Variants in ABI2 observed in about 807,000 individuals in gnomAD.
The protein encoded by ABI2 is abelson interactor 2.
Under a neutral mutation model 59.2 loss-of-function variants are expected in ABI2, and 25 were observed. The observed-to-expected ratio is 0.42, with a 90% CI of 0.31 to 0.59. The LOEUF is 0.59. Ranked by LOEUF, ABI2 falls within the 20% of genes least tolerant of loss-of-function variation. The pLI is 0.14. For synonymous variants in ABI2, 213 were observed against 235.5 expected (o/e 0.90, Z 0.87); for missense variants, 545 against 681.8 (o/e 0.80, Z 2.23).
At chr2:203,392,895 C>T (rs1019644133) in intron 5 of ABI2, among the ~76,000 whole-genome samples, 1 of 151,992 alleles carries the variant, frequency 6.6e-6, no homozygotes, top group Non-Finnish European at 1.5e-5. Context: ...GAGGCCCACT[C>T]TGCTAGTTGA....
Position 203,357,476 on chromosome 2 carries a change from G to A in ABI2, c.118-9401G>A, listed in dbSNP as rs185560050. ...GGTGACTTTATGTTCTGAATCTCAC[G>A]AAGATTAACCTCTGATCATTTGTTT... On this transcript the variant is annotated intron_variant, in intron 1 of 11. Coordinates refer to ENST00000261018, the MANE Select transcript of ABI2 (RefSeq NM_001375670.1). Among the ~76,000 whole-genome samples the A allele has an allele frequency of 1.8e-3, 272 of 152,268 alleles. 1 individual carries two copies. Among genetic ancestry groups the A allele is most frequent in the African/African-American group, 5.9e-3 (245 of 41,570 alleles).
intron 4 of ABI2, among the ~76,000 whole-genome samples, chr2:203,385,186 A>G (rs2096441066): frequency 8.2e-6 from 1 of 122,350 alleles, no homozygotes; most frequent in South Asian, 3.0e-4. Flanking sequence ...GCTGGAGTGC[A>G]GTGGTGCCAT....
At chr2:203,345,773 T>A (rs2152616233) in intron 1 of ABI2, among the ~76,000 whole-genome samples, 1 of 152,062 alleles carries the variant, frequency 6.6e-6, no homozygotes, top group African/African-American at 2.4e-5. Flanking sequence ...TTCAAACTCC[T>A]GACCTCAAGT....
rs1452569960 is a variant in ABI2 at position 203,328,536 on chromosome 2, C to T, written c.22C>T (p.Leu8=). The T allele has an allele frequency of 1.2e-6, 2 of 1,604,846 alleles. No individual in the cohort carries two copies. Among genetic ancestry groups the T allele is most frequent in the Admixed American group, 1.7e-5 (1 of 59,406 alleles). Residue 8 remains leucine (L), a synonymous_variant, in exon 1 of 12, where the codon CTG becomes TTG. Coordinates refer to ENST00000261018, the MANE Select transcript of ABI2 (RefSeq NM_001375670.1). ...GAAGATGGCGGAGCTGCAGATGCTG[C>T]TGGAAGAGGAAATCCCGGGGGGCCG... The part of the protein sequence containing the change: MAELQML[L]EEEIPGGRRA...
chr2:203,348,088 A>G (rs536913176), intron 1 of ABI2, among the ~76,000 whole-genome samples: 1 of 152,012 alleles, frequency 6.6e-6, no homozygotes, highest in Non-Finnish European at 1.5e-5. Flanking sequence ...TAAAAATACA[A>G]AAGTTAGCTG....
Position 203,402,624 on chromosome 2 carries a change from C to T in ABI2, c.1082C>T (p.Thr361Ile), listed in dbSNP as rs1341052155. The T allele has an allele frequency of 6.2e-7, 1 of 1,605,436 alleles. No homozygotes were observed. Among genetic ancestry groups the T allele is most frequent in the Non-Finnish European group, 8.5e-7 (1 of 1,177,202 alleles). The change falls in exon 9 of 12, where the codon ACT (threonine) becomes ATT (isoleucine). Residue 361 changes from threonine to isoleucine, a missense_variant. Around this residue, in one of 4 missense-constraint regions of ABI2, gnomAD observed 410 missense variants for 435.6 expected, o/e 0.94. Coordinates refer to ENST00000261018, the MANE Select transcript of ABI2 (RefSeq NM_001375670.1). ...YSMNRPASRH[T>I]PPTIGGSLPY... ...ATGAATAGGCCTGCCTCTCGCCATA[C>T]TCCCCCAACAATAGGGGGCTCGTTG...
At chr2:203,355,534 CA>C (rs371313997) in intron 1 of ABI2, among the ~76,000 whole-genome samples, 1 of 150,576 alleles carries the variant, frequency 6.6e-6, no homozygotes, top group African/African-American at 2.4e-5. Context: ...CAACAAAAAA[CA>C]AAAAACCCAA....
At chr2:203,402,436 A>T in intron 8 of ABI2, 140 bp from the exon 9 acceptor site, 1 of 578,122 alleles carries the variant, frequency 1.7e-6, no homozygotes. Context: ...ACAATAACTC[A>T]CCTTGCATTG....
chr2:203,350,619 A>G (rs1238955584), intron 1 of ABI2, among the ~76,000 whole-genome samples: 3 of 150,282 alleles, frequency 2.0e-5, no homozygotes, highest in Admixed American at 6.7e-5. Context: ...GGCTCACTGC[A>G]ATCTCTGCCT....
At chr2:203,346,125 G>A (rs914460821) in intron 1 of ABI2, among the ~76,000 whole-genome samples, 2 of 151,546 alleles carry the variant, frequency 1.3e-5, no homozygotes, top group Non-Finnish European at 2.9e-5. Context: ...CTCCAGTCTG[G>A]GTGACAAGAG....
intron 1 of ABI2, among the ~76,000 whole-genome samples, chr2:203,362,736 A>G (rs989093828): frequency 2.0e-5 from 3 of 152,132 alleles, no homozygotes; most frequent in African/African-American, 7.2e-5. Context: ...CATGTCGGGC[A>G]GGCCGGTCTT....
chr2:203,377,508 A>G (rs2095789852), intron 2 of ABI2, among the ~76,000 whole-genome samples: 2 of 152,186 alleles, frequency 1.3e-5, no homozygotes, highest in African/African-American at 4.8e-5. Flanking sequence ...TCTGACGAAG[A>G]CCCATTTTAT....
intron 8 of ABI2, 26 bp downstream of exon 8, chr2:203,396,993 G>T: frequency 7.2e-7 from 1 of 1,384,144 alleles, no homozygotes; most frequent in Non-Finnish European, 9.4e-7. Context: ...TTCATTGGCA[G>T]GCAGATGCAG....
intron 1 of ABI2, among the ~76,000 whole-genome samples, chr2:203,349,717 T>G (rs1195949957): frequency 1.3e-5 from 2 of 152,306 alleles, no homozygotes; most frequent in East Asian, 1.9e-4. Context: ...GTTCATTTTT[T>G]TTTTTTTTTA....
intron 4 of ABI2, among the ~76,000 whole-genome samples, chr2:203,388,045 A>G (rs1273935104): frequency 6.6e-6 from 1 of 152,156 alleles, no homozygotes; most frequent in African/African-American, 2.4e-5. Context: ...AACTTTAATT[A>G]TAATATAGAT....
At chr2:203,355,842 A>C (rs984350118) in intron 1 of ABI2, among the ~76,000 whole-genome samples, 29 of 149,896 alleles carry the variant, frequency 1.9e-4, no homozygotes, top group South Asian at 1.5e-3. Flanking sequence ...AAAAAAAAAA[A>C]AAAAAAAAAC....
chr2:203,397,385 C>A (rs1220132676), intron 8 of ABI2, among the ~76,000 whole-genome samples: 1 of 152,150 alleles, frequency 6.6e-6, no homozygotes, highest in African/African-American at 2.4e-5. Flanking sequence ...CTCTGTAAGT[C>A]TATTTTTAAC....
chr2:203,351,517 A>G (rs2088383458), intron 1 of ABI2: 1 of 409,018 alleles, frequency 2.4e-6, no homozygotes, highest in Non-Finnish European at 4.7e-6. Context: ...GATGTTTTGT[A>G]GTTTTCAGTG....
chr2:203,406,791 G>A lies in ABI2; in HGVS notation c.1192+4057G>A, dbSNP rs367829312. Among the ~76,000 whole-genome samples the A allele has an allele frequency of 2.4e-4, 37 of 152,174 alleles. 1 individual carries two copies. The South Asian group carries it at 7.3e-3, about 30-fold the overall frequency. On this transcript the variant is annotated intron_variant, in intron 9 of 11. Coordinates refer to ENST00000261018, the MANE Select transcript of ABI2 (RefSeq NM_001375670.1). ...CGATTCTCCTGCCTCAGCCTCCCGA[G>A]TAGTTGGAACTACAGGTGTGTGCCA... is the stretch of plus-strand genomic sequence containing the variant.
Sources: allele counts gnomAD v4.1 joint callset (sites outside exome capture counted in the v4.1 genomes callset), GRCh38; gene constraint gnomAD v4.1.1; regional missense constraint gnomAD v4.1.1; transcripts MANE v1.5; gene names NCBI Gene and HGNC (gene_info 2026-07-23, HGNC 2026-07-21).